AUTS2: variants seen among roughly 807,000 people sequenced by gnomAD.
AUTS2 encodes the protein activator of transcription and developmental regulator AUTS2.
AUTS2 carries 17 observed loss-of-function variants against 112.4 expected under a neutral mutation model. The observed-to-expected ratio is 0.15, with a 90% CI of 0.10 to 0.23. The LOEUF (loss-of-function observed/expected upper bound fraction) is 0.23. Ranked by LOEUF, AUTS2 falls within the 10% of genes least tolerant of loss-of-function variation. The pLI, the probability that AUTS2 is intolerant of heterozygous loss-of-function variation, is 1.00. For missense variants in AUTS2, 1,510 were observed against 1,701.6 expected (o/e 0.89, Z 1.98); for synonymous variants, 751 against 702.7 (o/e 1.07, Z -1.09).
At chr7:70,100,018 A>C (rs577957396) in intron 2 of AUTS2, among the ~76,000 whole-genome samples, 28 of 152,298 alleles carry the variant, frequency 1.8e-4, no homozygotes, top group African/African-American at 6.7e-4. Context: ...AAAATGACAA[A>C]TATGTATTTT....
chr7:70,315,992 G>A (rs575328339), intron 4 of AUTS2, among the ~76,000 whole-genome samples: 1 of 152,286 alleles, frequency 6.6e-6, no homozygotes, highest in African/African-American at 2.4e-5. Flanking sequence ...TTGGCTGAAG[G>A]TTTCATAGCC....
intron 4 of AUTS2, among the ~76,000 whole-genome samples, chr7:70,371,756 A>G (rs1365936077): frequency 6.6e-6 from 1 of 152,164 alleles, no homozygotes; most frequent in Non-Finnish European, 1.5e-5. Flanking sequence ...TGAGTCACTG[A>G]TAGATATCCT....
At chr7:69,980,355 A>G (rs11981973) in intron 2 of AUTS2, among the ~76,000 whole-genome samples, 30,102 of 152,156 alleles carry the variant, frequency 0.2, 3,384 homozygotes, top group African/African-American at 0.29. Flanking sequence ...TTGGACATCT[A>G]GTTCAGTTTT....
intron 5 of AUTS2, among the ~76,000 whole-genome samples, chr7:70,519,420 C>T (rs1325674975): frequency 6.6e-6 from 1 of 152,190 alleles, no homozygotes; most frequent in Non-Finnish European, 1.5e-5. Flanking sequence ...TAATAGTGAG[C>T]GTTGCCACAT....
At chr7:70,109,608 A>G (rs1218456079) in intron 2 of AUTS2, among the ~76,000 whole-genome samples, 5 of 152,206 alleles carry the variant, frequency 3.3e-5, no homozygotes, top group Non-Finnish European at 7.3e-5. Flanking sequence ...ATAGACAGGA[A>G]TGTCTGGCTT....
chr7:69,670,351 T>C (rs1202164980), intron 1 of AUTS2, among the ~76,000 whole-genome samples: 1 of 152,042 alleles, frequency 6.6e-6, no homozygotes, highest in Non-Finnish European at 1.5e-5. Flanking sequence ...TTCTCAAACA[T>C]TAAATTTGTA....
intron 2 of AUTS2, among the ~76,000 whole-genome samples, chr7:70,114,303 C>G (rs1472570681): frequency 6.6e-6 from 1 of 152,192 alleles, no homozygotes; most frequent in African/African-American, 2.4e-5. Context: ...CTTGTAATAG[C>G]TGCCATGGAT....
intron 2 of AUTS2, among the ~76,000 whole-genome samples, chr7:70,075,259 T>C (rs1159288598): frequency 6.6e-6 from 1 of 152,152 alleles, no homozygotes; most frequent in Non-Finnish European, 1.5e-5. Context: ...ATTGGATCCA[T>C]TGGAGAGTGA....
At chr7:70,624,779 C>G (rs1045801883) in intron 5 of AUTS2, among the ~76,000 whole-genome samples, 1 of 152,184 alleles carries the variant, frequency 6.6e-6, no homozygotes, top group Non-Finnish European at 1.5e-5. Context: ...AGTCAGATGA[C>G]AAAGGCAGCA....
chr7:70,403,201 G>A (rs927201825), intron 4 of AUTS2, among the ~76,000 whole-genome samples: 3 of 152,180 alleles, frequency 2.0e-5, no homozygotes, highest in Admixed American at 6.5e-5. Flanking sequence ...CTTGGGCAGG[G>A]TATGTAATCA....
chr7:69,710,599 G>A (rs912935352), intron 1 of AUTS2, among the ~76,000 whole-genome samples: 2 of 152,184 alleles, frequency 1.3e-5, no homozygotes, highest in African/African-American at 2.4e-5. Context: ...CACATATGCC[G>A]ATTATGTCCT....
At chr7:69,754,244 G>GTTACATACA (rs1459501398) in intron 1 of AUTS2, among the ~76,000 whole-genome samples, 2 of 152,074 alleles carry the variant, frequency 1.3e-5, no homozygotes, top group African/African-American at 4.8e-5. Context: ...GAAGGGGTGG[G>GTTACATACA]GACAACATAT....
chr7:70,302,548 C>T (rs1789266526), intron 4 of AUTS2, among the ~76,000 whole-genome samples: 1 of 151,750 alleles, frequency 6.6e-6, no homozygotes, highest in African/African-American at 2.4e-5. Flanking sequence ...TCCTTTTCCT[C>T]TCCTCTCTAT....
chr7:69,998,001 G>C (rs1799023608), intron 2 of AUTS2, among the ~76,000 whole-genome samples: 1 of 152,120 alleles, frequency 6.6e-6, no homozygotes, highest in Non-Finnish European at 1.5e-5. Context: ...GTGATTTTTA[G>C]AGGTTTGGCA....
intron 2 of AUTS2, among the ~76,000 whole-genome samples, chr7:70,016,505 G>C (rs1045726542): frequency 6.6e-6 from 1 of 151,956 alleles, no homozygotes; most frequent in Non-Finnish European, 1.5e-5. Flanking sequence ...TTTGGAGAGC[G>C]CACTACAGAA....
chr7:70,770,946 C>G (rs1259010881), intron 10 of AUTS2, among the ~76,000 whole-genome samples: 1 of 151,904 alleles, frequency 6.6e-6, no homozygotes, highest in African/African-American at 2.4e-5. Context: ...TTTATTTTAC[C>G]CTTTCACAAA....
At chr7:70,484,629 GTCT>G (rs1344419756) in intron 5 of AUTS2, among the ~76,000 whole-genome samples, 1 of 152,164 alleles carries the variant, frequency 6.6e-6, no homozygotes, top group African/African-American at 2.4e-5. Flanking sequence ...GATGTGAAAG[GTCT>G]TCTTGCTCTT....
chr7:70,604,477 C>G (rs1803630484), intron 5 of AUTS2, among the ~76,000 whole-genome samples: 1 of 152,196 alleles, frequency 6.6e-6, no homozygotes, highest in Admixed American at 6.5e-5. Context: ...GTTCAGCATG[C>G]CCAATGATCA....
chr7:70,660,201 GGAAA>G (rs1221631201), intron 5 of AUTS2, among the ~76,000 whole-genome samples: 1 of 151,642 alleles, frequency 6.6e-6, no homozygotes, highest in Admixed American at 6.6e-5. Context: ...AAGAAAAAAA[GGAAA>G]GAAAGAAAGA....
Sources: allele counts gnomAD v4.1 joint callset (sites outside exome capture counted in the v4.1 genomes callset), GRCh38; gene constraint gnomAD v4.1.1; transcripts MANE v1.5; gene names NCBI Gene and HGNC (gene_info 2026-07-23, HGNC 2026-07-21).